Variants in CEP290 observed in about 807,000 individuals in gnomAD.
CEP290 encodes centrosomal protein of 290 kDa.
Under a neutral mutation model 344.9 loss-of-function variants are expected in CEP290, and 317 were observed. That is an observed-to-expected ratio of 0.92 (90% confidence interval 0.84 to 1.01). The LOEUF (loss-of-function observed/expected upper bound fraction) is 1.01, where lower values mean the gene tolerates loss of function less well. Among genes scored for constraint, CEP290 ranks in the 50% least tolerant of loss-of-function variants. The probability of loss-of-function intolerance (pLI) is 0.00; values close to 1 mark genes in which losing one functional copy is unlikely to be tolerated. For synonymous variants in CEP290, 932 were observed against 895.8 expected (o/e 1.04, Z -0.72); for missense variants, 2,754 against 2,761.4 (o/e 1.00, Z 0.06).
At chr12:88,091,971 G>T (rs930969305) in intron 29 of CEP290, among the ~76,000 whole-genome samples, 3 of 152,024 alleles carry the variant, frequency 2.0e-5, no homozygotes, top group African/African-American at 7.3e-5. Context: ...GGAGTGCAGT[G>T]GCGCGATCTC....
chr12:88,073,176 T>C (rs558802402), intron 41 of CEP290, among the ~76,000 whole-genome samples: 16 of 152,350 alleles, frequency 1.1e-4, no homozygotes, highest in Non-Finnish European at 1.9e-4. Context: ...TTTAATGGTT[T>C]TACTATACAC....
chr12:88,089,427 G>A lies in CEP290; in HGVS notation c.3634C>T (p.Leu1212=), dbSNP rs199844833. The A allele has an allele frequency of 1.9e-6, 3 of 1,604,976 alleles. No individual in the cohort carries two copies. ...KLHQHNVSLQ[L]SEATALGKLE... ...TTACCAAGAGCAGTAGCCTCACTCAGTTGAAGAGAGACATTATGTTGGTGC... is the reference window on the plus strand; with the variant it reads ...TTACCAAGAGCAGTAGCCTCACTCAATTGAAGAGAGACATTATGTTGGTGC... Residue 1212 remains leucine, a synonymous_variant, in exon 31 of 54, where the codon CTG becomes TTG. Transcript: ENST00000552810.
intron 11 of CEP290, among the ~76,000 whole-genome samples, chr12:88,128,184 G>A (rs967702468): frequency 6.6e-6 from 1 of 152,050 alleles, no homozygotes; most frequent in African/African-American, 2.4e-5. Flanking sequence ...AATATTCACT[G>A]TCTGGCCCTT....
rs1592671672 is a variant in CEP290, at chr12:88,129,810, ACT to A, written c.734_735del (p.Glu245ValfsTer10). ...QNQEMRKNLEESVQEMEKMTD... is the reference protein window; with the variant it reads ...QNQEMRKNLEXSVQEMEKMTD... ...GTCATCTTCTCCATTTCCTGTACAG[ACT>A]CTTCTAAATTTTTTCTCATTTCTTG... On this transcript the variant is annotated frameshift_variant, in exon 10 of 54. Transcript: ENST00000552810. LOFTEE classifies it high-confidence loss of function. The A allele has an allele frequency of 6.8e-7, 1 of 1,469,018 alleles. No homozygotes were observed. Among genetic ancestry groups the A allele is most frequent in the Non-Finnish European group, 9.0e-7 (1 of 1,109,990 alleles). The allele number at this position is 1,469,018 out of a possible 1,614,324, so 91.0% of individuals were successfully genotyped here. A position where few individuals can be genotyped will look rare whatever the true frequency, so the allele number is the denominator to read the frequency against.
chr12:88,070,144 A>T (rs903071044), intron 43 of CEP290, among the ~76,000 whole-genome samples: 1 of 152,198 alleles, frequency 6.6e-6, no homozygotes, highest in African/African-American at 2.4e-5. Context: ...ACATGGGGTG[A>T]TGCAGGGCAA....
chr12:88,131,235 A>G lies in CEP290; in HGVS notation c.442-17T>C. The G allele has an allele frequency of 6.8e-7, 1 of 1,463,772 alleles. No homozygotes were observed. 90.7% of individuals were successfully genotyped at this position (1,463,772 alleles called of 1,614,324 possible). A position where few individuals can be genotyped will look rare whatever the true frequency, so the allele number is the denominator to read the frequency against. On this transcript the variant is annotated splice_polypyrimidine_tract_variant and intron_variant, in intron 6 of 53. Coordinates refer to ENST00000552810, the MANE Select transcript of CEP290 (RefSeq NM_025114.4). ...AAGAGCCAACTAAAATAGTAAAAAA[A>G]AAAAATAAATAAGAAGAAGATAAAA...
At position 88,129,887 on chromosome 12, in the gene CEP290, TAA is replaced by T. The variant is rs941686794; in HGVS notation, c.670-13_670-12del. The T allele has an allele frequency of 2.1e-5, 29 of 1,380,512 alleles. No homozygotes were observed. In the Admixed American group the frequency reaches 3.3e-4, roughly 16 times the overall value. The allele number at this position is 1,380,512 out of a possible 1,614,324, so 85.5% of individuals were successfully genotyped here. A position where few individuals can be genotyped will look rare whatever the true frequency, so the allele number is the denominator to read the frequency against. ...AGCTTCTGTTAAAGTCTAAAAAAGTTAAAGACACTATAATTAAAAAGTAATTT... is the reference window on the plus strand; with the variant it reads ...AGCTTCTGTTAAAGTCTAAAAAAGTTAGACACTATAATTAAAAAGTAATTT... On this transcript the variant is annotated splice_polypyrimidine_tract_variant and intron_variant, in intron 9 of 53. Coordinates refer to ENST00000552810, the MANE Select transcript of CEP290 (RefSeq NM_025114.4).
rs1420714707 is a variant in CEP290, at chr12:88,125,226, C to T, written c.1189+20G>A. Reference sequence around the variant, plus strand: ...AAAAACATAATTGTATATAAAATAACTATATATTTATAAAAATACCTTTGT... The same window carrying T: ...AAAAACATAATTGTATATAAAATAATTATATATTTATAAAAATACCTTTGT... On this transcript the variant is annotated intron_variant, in intron 13 of 53. Transcript: ENST00000552810. 1 of 669,084 alleles carries T rather than the reference C, an allele frequency of 1.5e-6. No individual in the cohort carries two copies. Among genetic ancestry groups the T allele is most frequent in the East Asian group, 3.5e-5 (1 of 28,552 alleles). The allele number at this position is 669,084 out of a possible 1,614,324, so 41.4% of individuals were successfully genotyped here.
chr12:88,131,671 C>G (rs2040081523), intron 6 of CEP290, among the ~76,000 whole-genome samples: 1 of 152,076 alleles, frequency 6.6e-6, no homozygotes, highest in South Asian at 2.1e-4. Context: ...TAATATCAAC[C>G]TAACACATAA....
rs997653455 is a variant in CEP290, at chr12:88,141,298, T to C, written c.10A>G (p.Asn4Asp). 8 of 1,610,164 alleles carry C rather than the reference T, an allele frequency of 5.0e-6. No individual in the cohort carries two copies. The African/African-American group carries it at 9.4e-5, about 19-fold the overall frequency. ...TTCATTATTTCTTTCCAGTTTATAT[T>C]AGGTGGCATCTTGAATTCTTTCACT... MPP[N>D]INWKEIMKVD... is the part of the protein sequence containing the mutation. The change falls in exon 2 of 54, where the codon AAT becomes GAT. Residue 4 changes from asparagine (N) to aspartate (D), a missense_variant. Coordinates refer to ENST00000552810, the MANE Select transcript of CEP290 (RefSeq NM_025114.4).
intron 18 of CEP290, chr12:88,116,120 T>A: frequency 1.0e-6 from 1 of 956,528 alleles, no homozygotes; most frequent in Non-Finnish European, 1.2e-6. Flanking sequence ...CATGAAAAGA[T>A]GAATTGCTTT....
At chr12:88,094,022 AT>A in intron 27 of CEP290, 47 bp from the exon 28 acceptor site, 1 of 1,367,224 alleles carries the variant, frequency 7.3e-7, no homozygotes, top group Non-Finnish European at 1.0e-6. Context: ...TTATATTAAA[AT>A]TACCTCAGAT....
At position 88,077,277 on chromosome 12, in the gene CEP290, T is replaced by C; in HGVS notation, c.5654A>G (p.Glu1885Gly). 1.9e-6 allele frequency: 3 copies of C among 1,605,052 alleles called. No homozygotes were observed. Among genetic ancestry groups the C allele is most frequent in the Non-Finnish European group, 2.6e-6 (3 of 1,176,162 alleles). The change falls in exon 41 of 54, where the codon GAG (glutamate) becomes GGG (glycine). Residue 1885 changes from glutamate (E) to glycine (G), a missense_variant. Coordinates refer to ENST00000552810, the MANE Select transcript of CEP290 (RefSeq NM_025114.4). ...CTCCACCTTTCCCTCTAATTGGTTC[T>C]CTAGTTTTTTAACTTTCCTTTGGAG... ...EELQRKVKKLENQLEGKVEEV... is the reference protein window; with the variant it reads ...EELQRKVKKLGNQLEGKVEEV...
chr12:88,098,734 A>G (rs947799697), intron 26 of CEP290, among the ~76,000 whole-genome samples: 1 of 152,240 alleles, frequency 6.6e-6, no homozygotes, highest in Non-Finnish European at 1.5e-5. Context: ...TTGATATTTA[A>G]GCTGAACTGT....
chr12:88,141,072 C>A (rs745557186), intron 2 of CEP290, 39 bp from the exon 3 acceptor site: 17 of 1,465,290 alleles, frequency 1.2e-5, no homozygotes, highest in African/African-American at 2.9e-5. Flanking sequence ...TATTTTATAA[C>A]CTTCAAGCAA....
intron 26 of CEP290, among the ~76,000 whole-genome samples, chr12:88,099,629 C>T (rs1181028249): frequency 2.0e-5 from 3 of 151,788 alleles, no homozygotes; most frequent in African/African-American, 7.3e-5. Context: ...AAGAATAATA[C>T]AAACAGGGTA....
chr12:88,110,738 C>A (rs1198247879), intron 22 of CEP290, among the ~76,000 whole-genome samples: 1 of 151,952 alleles, frequency 6.6e-6, no homozygotes, highest in East Asian at 1.9e-4. Context: ...CTTGTGAATG[C>A]AAAAAGGGGA....
At chr12:88,076,450 C>A (rs975002616) in intron 41 of CEP290, among the ~76,000 whole-genome samples, 1 of 151,854 alleles carries the variant, frequency 6.6e-6, no homozygotes, top group Non-Finnish European at 1.5e-5. Flanking sequence ...AAAAATTTTC[C>A]TAACCATAGC....
rs2035372326 is a variant in CEP290 at position 88,071,505 on chromosome 12, T to C, written c.5856-56A>G. On this transcript the variant is annotated intron_variant, in intron 42 of 53. Coordinates refer to ENST00000552810, the MANE Select transcript of CEP290 (RefSeq NM_025114.4). ...TACCATTCAGTGTTTGGCTTTTCAATTGCATACTCATTACCAAACCAAATT... is the reference window on the plus strand; with the variant it reads ...TACCATTCAGTGTTTGGCTTTTCAACTGCATACTCATTACCAAACCAAATT... 4 of 1,435,838 alleles carry C rather than the reference T, an allele frequency of 2.8e-6. No homozygotes were observed. In the South Asian group the frequency reaches 5.2e-5, roughly 19 times the overall value. 88.9% of individuals were successfully genotyped at this position (1,435,838 alleles called of 1,614,324 possible). A position where few individuals can be genotyped will look rare whatever the true frequency, so the allele number is the denominator to read the frequency against.
Sources: gnomAD v4.1 joint callset for allele counts (sites outside exome capture counted in the v4.1 genomes callset) on GRCh38, gnomAD v4.1.1 for gene constraint, MANE v1.5 for transcripts, NCBI Gene and HGNC (gene_info 2026-07-23, HGNC 2026-07-21) for gene names.